The following EYS variants were observed in gnomAD, a reference collection of about 807,000 sequenced individuals.
EYS encodes EGF-like photoreceptor maintenance factor, also known as protein eyes shut homolog.
A neutral mutation model predicts 282.1 loss-of-function variants in EYS; 250 were observed. That is an observed-to-expected ratio of 0.89 (90% CI 0.80 to 0.98). The LOEUF (loss-of-function observed/expected upper bound fraction) is 0.98. EYS is among the 50% of genes least tolerant of loss of function. The probability of loss-of-function intolerance (pLI) is 0.00; values close to 1 mark genes in which losing one functional copy is unlikely to be tolerated. For synonymous variants in EYS, 1,355 were observed against 1,282.9 expected, an observed-to-expected ratio of 1.06 and a Z score of -1.20; for missense variants, 4,016 against 3,709.0, an observed-to-expected ratio of 1.08 and a Z score of -2.15.
intron 13 of EYS, among the ~76,000 whole-genome samples, chr6:65,001,856 G>C (rs1165192805): frequency 6.8e-6 from 1 of 146,402 alleles, no homozygotes; most frequent in East Asian, 2.1e-4. Context: ...TCCTTAGATG[G>C]GGTCCAAAAT....
chr6:65,405,444 A>T, intron 5 of EYS, 77 bp from the exon 6 acceptor site: 1 of 1,148,318 alleles, frequency 8.7e-7, no homozygotes. Context: ...ATGTAGCAAA[A>T]CATTCTAGAA....
chr6:65,634,104 T>C (rs1212882994), intron 2 of EYS, among the ~76,000 whole-genome samples: 3 of 152,242 alleles, frequency 2.0e-5, no homozygotes, highest in African/African-American at 7.2e-5. Context: ...CTTTGTCCCT[T>C]TCCTATATTT....
intron 12 of EYS, among the ~76,000 whole-genome samples, chr6:65,087,415 A>G (rs577904337): frequency 5.2e-4 from 79 of 152,258 alleles, no homozygotes; most frequent in African/African-American, 1.6e-3. Context: ...TGTGTGCAGC[A>G]TTCAAAATTG....
chr6:63,961,010 C>T (rs931802845), intron 35 of EYS, among the ~76,000 whole-genome samples: 1 of 152,198 alleles, frequency 6.6e-6, no homozygotes, highest in African/African-American at 2.4e-5. Context: ...TATTCTTAGT[C>T]ATTGCCTTTT....
At chr6:65,430,476 A>G (rs1255495766) in intron 5 of EYS, among the ~76,000 whole-genome samples, 1 of 152,162 alleles carries the variant, frequency 6.6e-6, no homozygotes, top group Non-Finnish European at 1.5e-5. Flanking sequence ...TTTCTAGGCC[A>G]TAGGGACTGC....
intron 8 of EYS, among the ~76,000 whole-genome samples, chr6:65,358,477 T>C (rs1764578167): frequency 6.6e-6 from 1 of 151,984 alleles, no homozygotes; most frequent in Non-Finnish European, 1.5e-5. Context: ...GATGGTTTCT[T>C]TTCCTAAGCG....
intron 10 of EYS, among the ~76,000 whole-genome samples, chr6:65,339,884 A>G (rs1046337354): frequency 6.0e-5 from 9 of 151,220 alleles, no homozygotes; most frequent in Admixed American, 2.6e-4. Context: ...AGATTTATAT[A>G]CATTTCAAAA....
chr6:64,330,403 CT>C (rs1007191352), intron 29 of EYS, among the ~76,000 whole-genome samples: 23 of 152,182 alleles, frequency 1.5e-4, no homozygotes, highest in African/African-American at 4.8e-4. Context: ...TTGTATGAGA[CT>C]ACCAAAGGGA....
intron 7 of EYS, among the ~76,000 whole-genome samples, chr6:65,387,503 C>T (rs1022946158): frequency 6.6e-6 from 1 of 151,068 alleles, no homozygotes; most frequent in Non-Finnish European, 1.5e-5. Flanking sequence ...ATAAAATGTT[C>T]AATATTTTAC....
chr6:65,598,931 T>C (rs533702957), intron 2 of EYS, among the ~76,000 whole-genome samples: 84 of 152,226 alleles, frequency 5.5e-4, no homozygotes, highest in African/African-American at 1.9e-3. Context: ...AGTGTATTAA[T>C]ACATGCATCA....
chr6:64,285,986 C>T (rs1346688642), intron 30 of EYS, among the ~76,000 whole-genome samples: 1 of 152,176 alleles, frequency 6.6e-6, no homozygotes, highest in East Asian at 1.9e-4. Context: ...TAATCCTTTT[C>T]TGTCCATCTT....
At chr6:64,460,610 A>T (rs549158805) in intron 26 of EYS, among the ~76,000 whole-genome samples, 5 of 152,330 alleles carry the variant, frequency 3.3e-5, no homozygotes, top group Admixed American at 6.5e-5. Flanking sequence ...GTATTTACTA[A>T]TGTAGTATCT....
chr6:64,345,642 C>A (rs1771356145), intron 29 of EYS, among the ~76,000 whole-genome samples: 3 of 152,022 alleles, frequency 2.0e-5, no homozygotes, highest in Admixed American at 2.0e-4. Flanking sequence ...TAGGCATGGG[C>A]AAGGACTTCA....
chr6:63,915,172 G>A (rs948456928), intron 35 of EYS, among the ~76,000 whole-genome samples: 34 of 152,326 alleles, frequency 2.2e-4, no homozygotes, highest in African/African-American at 7.9e-4. Context: ...CAACTTTCTT[G>A]TTAGGGGCTA....
At chr6:64,687,977 A>G (rs1770220667) in intron 22 of EYS, among the ~76,000 whole-genome samples, 1 of 151,996 alleles carries the variant, frequency 6.6e-6, no homozygotes, top group Non-Finnish European at 1.5e-5. Context: ...CCAGGAATTT[A>G]TCAATTTCTT....
chr6:64,323,063 AT>A (rs1339023313), intron 29 of EYS, among the ~76,000 whole-genome samples: 1 of 152,134 alleles, frequency 6.6e-6, no homozygotes, highest in East Asian at 1.9e-4. Flanking sequence ...AACTTCACAT[AT>A]CATATATAAT....
intron 31 of EYS, among the ~76,000 whole-genome samples, chr6:64,184,450 T>G (rs1228215944): frequency 6.6e-6 from 1 of 152,082 alleles, no homozygotes; most frequent in African/African-American, 2.4e-5. Context: ...GCATGTTAAA[T>G]ACCCACTTCA....
chr6:64,899,892 G>A (rs1269710931), intron 18 of EYS, among the ~76,000 whole-genome samples: 5 of 151,600 alleles, frequency 3.3e-5, no homozygotes, highest in Non-Finnish European at 7.4e-5. Flanking sequence ...TTTAAATTTC[G>A]TATGGAACCA....
At chr6:65,430,391 T>A (rs1353484276) in intron 5 of EYS, among the ~76,000 whole-genome samples, 1 of 152,120 alleles carries the variant, frequency 6.6e-6, no homozygotes, top group East Asian at 1.9e-4. Flanking sequence ...CAGTCCTGAC[T>A]TGAGTGCCCA....
Sources: gnomAD v4.1 joint callset for allele counts (sites outside exome capture counted in the v4.1 genomes callset) on GRCh38, gnomAD v4.1.1 for gene constraint, MANE v1.5 for transcripts, NCBI Gene and HGNC (gene_info 2026-07-23, HGNC 2026-07-21) for gene names.